LPIN1: variants seen among roughly 807,000 people sequenced by gnomAD.
The protein encoded by LPIN1 is phosphatidate phosphatase LPIN1.
In LPIN1, 71 loss-of-function variants were observed where a neutral mutation model predicts 107.5. The ratio of observed to expected loss-of-function variants is 0.66; its 90% CI spans 0.55 to 0.80. LPIN1 has a LOEUF of 0.80. LPIN1 is among the 30% of genes least tolerant of loss of function. The pLI is 0.00. For missense variants in LPIN1, 1,043 were observed against 1,160.6 expected, an observed-to-expected ratio of 0.90 and a Z score of 1.47; for synonymous variants, 445 against 452.6, an observed-to-expected ratio of 0.98 and a Z score of 0.21.
chr2:11,693,203 A>G (rs1411009311), intron 1 of LPIN1, among the ~76,000 whole-genome samples: 4 of 135,226 alleles, frequency 3.0e-5, no homozygotes. Flanking sequence ...CCTGAACAAC[A>G]TTTTTTTTTT....
At chr2:11,777,118 G>C (rs1054680999) in intron 6 of LPIN1, 2 of 152,254 alleles carry the variant, frequency 1.3e-5, no homozygotes, top group Admixed American at 6.5e-5. Flanking sequence ...AACAACCCTT[G>C]ATCTTAAAAT....
rs78580932 is a variant in LPIN1 at position 11,795,196 on chromosome 2, G to C, written c.1807-212G>C. Reference sequence around the variant, plus strand: ...TTCGTTTCTGTCAAAAATATTTCTTGGTTTAATCGTACACTTCTTAGCAAA... The same window carrying C: ...TTCGTTTCTGTCAAAAATATTTCTTCGTTTAATCGTACACTTCTTAGCAAA... On this transcript the variant is annotated intron_variant, in intron 13 of 20. Transcript: ENST00000674199. Among the ~76,000 whole-genome samples the C allele has an allele frequency of 0.032, 4,830 of 152,256 alleles. 129 individuals carry two copies. The highest frequency in any genetic ancestry group is 0.092 in the Middle Eastern group (27 of 294).
intron 20 of LPIN1, 99 bp from the exon 21 acceptor site, chr2:11,824,533 T>TA (rs1682100194): frequency 8.4e-7 from 1 of 1,187,142 alleles, no homozygotes. Context: ...GTAGGCGGTC[T>TA]GCTCCTTGAG....
intron 2 of LPIN1, among the ~76,000 whole-genome samples, chr2:11,717,273 T>G (rs1002577160): frequency 1.3e-5 from 2 of 152,122 alleles, no homozygotes; most frequent in African/African-American, 2.4e-5. Flanking sequence ...TAGAGGAGGG[T>G]CTGGCTGATT....
chr2:11,687,449 G>A (rs569578641), intron 1 of LPIN1, among the ~76,000 whole-genome samples: 1 of 151,772 alleles, frequency 6.6e-6, no homozygotes, highest in Non-Finnish European at 1.5e-5. Flanking sequence ...AGGGGCAGGC[G>A]GATGTGATAT....
intron 1 of LPIN1, among the ~76,000 whole-genome samples, chr2:11,761,524 A>G (rs981253298): frequency 1.3e-5 from 2 of 152,198 alleles, no homozygotes; most frequent in African/African-American, 4.8e-5. Flanking sequence ...GTATCAGTAC[A>G]GAGAGCTTCA....
At chr2:11,784,030 C>T (rs1359400563) in intron 9 of LPIN1, 108 bp downstream of exon 9, 38 of 1,578,272 alleles carry the variant, frequency 2.4e-5, no homozygotes, top group Non-Finnish European at 3.0e-5. Context: ...GACAGCTGGG[C>T]GCGGTGGCTC....
chr2:11,780,719 C>G (rs1368008825), intron 7 of LPIN1, among the ~76,000 whole-genome samples: 1 of 152,184 alleles, frequency 6.6e-6, no homozygotes, highest in Non-Finnish European at 1.5e-5. Context: ...GTAGACTTCC[C>G]TGAACCTCAG....
upstream of LPIN1, among the ~76,000 whole-genome samples, chr2:11,720,121 C>A (rs1664024958): frequency 1.3e-5 from 2 of 152,020 alleles, no homozygotes; most frequent in Non-Finnish European, 2.9e-5. Flanking sequence ...AATTGTTTAC[C>A]CCTACTGTGC....
At chr2:11,768,742 C>T in intron 3 of LPIN1, among the ~76,000 whole-genome samples, 1 of 152,108 alleles carries the variant, frequency 6.6e-6, no homozygotes, top group East Asian at 1.9e-4. Flanking sequence ...AGAGACCATC[C>T]TGGCTAAGAC....
chr2:11,823,989 T>C (rs1682007873), intron 20 of LPIN1, among the ~76,000 whole-genome samples: 1 of 152,196 alleles, frequency 6.6e-6, no homozygotes. Flanking sequence ...GACGTGTTGA[T>C]AATTTGTCAT....
At chr2:11,691,620 T>C (rs1662276929) in intron 1 of LPIN1, among the ~76,000 whole-genome samples, 1 of 152,190 alleles carries the variant, frequency 6.6e-6, no homozygotes, top group Non-Finnish European at 1.5e-5. Context: ...GGCTATGTCA[T>C]ATTTGCTTAT....
chr2:11,777,472 G>A (rs935884396), intron 6 of LPIN1: 7 of 152,244 alleles, frequency 4.6e-5, no homozygotes, highest in Non-Finnish European at 8.8e-5. Context: ...CTGGAGTTGG[G>A]AATTGCTGCA....
chr2:11,741,554 C>T, intron 2 of LPIN1: 1 of 725,270 alleles, frequency 1.4e-6, no homozygotes, highest in South Asian at 1.8e-5. Flanking sequence ...CACTCGAGCT[C>T]AGGAGTTTGA....
At chr2:11,741,331 G>GA in intron 1 of LPIN1, 1 of 1,510,510 alleles carries the variant, frequency 6.6e-7, no homozygotes, top group South Asian at 1.2e-5. Flanking sequence ...TTTTGTGAAT[G>GA]ATGTCGTGTG....
At position 11,779,572 on chromosome 2, in the gene LPIN1, A is replaced by G. The variant is rs772194249; in HGVS notation, c.884A>G (p.Lys295Arg). ...AAAAGTGATTCAGAATTGGTCAGCA[A>G]GTCCACGGAAAGGACAGGGCAGAAG... Reference protein sequence around the residue: ...TPKSDSELVSKSTERTGQKNP... With the variant: ...TPKSDSELVSRSTERTGQKNP... The change falls in exon 7 of 21, where the codon AAG (lysine) becomes AGG (arginine). Residue 295 changes from lysine (K) to arginine (R), a missense_variant. Coordinates refer to ENST00000674199, the MANE Select transcript of LPIN1 (RefSeq NM_001349206.2). 1.6e-5 allele frequency: 26 copies of G among 1,614,130 alleles called. No homozygotes were observed. In the South Asian group the frequency reaches 2.4e-4, roughly 15 times the overall value.
intron 13 of LPIN1, chr2:11,792,307 A>G (rs550927295): frequency 1.0e-5 from 3 of 291,110 alleles, no homozygotes; most frequent in African/African-American, 6.5e-5. Context: ...CAGCCTGGGA[A>G]TTCAGTTTCT....
chr2:11,721,711 G>A (rs1273918257), upstream of LPIN1: 4 of 152,196 alleles, frequency 2.6e-5, no homozygotes, highest in African/African-American at 9.7e-5. Flanking sequence ...CTGATGTCTG[G>A]CCCATGGGCA....
chr2:11,710,223 C>A (rs758467753), intron 1 of LPIN1, among the ~76,000 whole-genome samples: 1 of 152,148 alleles, frequency 6.6e-6, no homozygotes, highest in Non-Finnish European at 1.5e-5. Flanking sequence ...CTCCAAATAC[C>A]ATCACCTTAG....
Sources: gnomAD v4.1 joint callset for allele counts (sites outside exome capture counted in the v4.1 genomes callset) on GRCh38, gnomAD v4.1.1 for gene constraint, MANE v1.5 for transcripts, NCBI Gene and HGNC (gene_info 2026-07-23, HGNC 2026-07-21) for gene names.